Variants in FHIT observed in about 807,000 individuals in gnomAD.
The protein encoded by FHIT is bis(5'-adenosyl)-triphosphatase.
Under a neutral mutation model 17.9 loss-of-function variants are expected in FHIT, and 19 were observed. That is an observed-to-expected ratio of 1.06 (90% CI 0.74 to 1.56). The LOEUF (loss-of-function observed/expected upper bound fraction) is 1.56. Ranked by LOEUF, FHIT falls within the 40% of genes most tolerant of loss-of-function variation. FHIT has a pLI of 0.00. For missense variants in FHIT, 248 were observed against 189.2 expected (o/e 1.31, Z -1.82); for synonymous variants, 81 against 69.7 (o/e 1.16, Z -0.81).
intron 5 of FHIT, among the ~76,000 whole-genome samples, chr3:60,053,470 T>G (rs1265602355): frequency 6.6e-6 from 1 of 151,048 alleles, no homozygotes; most frequent in African/African-American, 2.4e-5. Context: ...TTCCAAGACA[T>G]GCATTTTGCC....
At chr3:60,836,940 A>G (rs1490277230) in intron 3 of FHIT, among the ~76,000 whole-genome samples, 4 of 152,084 alleles carry the variant, frequency 2.6e-5, no homozygotes, top group Non-Finnish European at 5.9e-5. Context: ...CTTCCCCTTT[A>G]TTCCTGAGGA....
At chr3:61,042,825 G>C (rs1296069620) in intron 2 of FHIT, among the ~76,000 whole-genome samples, 1 of 149,838 alleles carries the variant, frequency 6.7e-6, no homozygotes, top group Non-Finnish European at 1.5e-5. Flanking sequence ...GGGTGACAAA[G>C]TGAGCATCTG....
chr3:60,292,322 T>C (rs959205201), intron 5 of FHIT, among the ~76,000 whole-genome samples: 1 of 152,192 alleles, frequency 6.6e-6, no homozygotes, highest in Middle Eastern at 3.2e-3. Flanking sequence ...ACCTATATTA[T>C]ACTGTAGTCG....
At chr3:60,322,446 T>A (rs1406530811) in intron 5 of FHIT, among the ~76,000 whole-genome samples, 1 of 152,226 alleles carries the variant, frequency 6.6e-6, no homozygotes, top group African/African-American at 2.4e-5. Flanking sequence ...CTTTTTGACC[T>A]TGGAGGCCAT....
intron 4 of FHIT, among the ~76,000 whole-genome samples, chr3:60,647,706 G>A (rs1343371197): frequency 2.0e-5 from 3 of 152,100 alleles, no homozygotes; most frequent in Non-Finnish European, 4.4e-5. Context: ...CCCAGAAACC[G>A]ATTCTAGCAG....
At chr3:60,891,639 A>C (rs1553760725) in intron 3 of FHIT, among the ~76,000 whole-genome samples, 2 of 152,214 alleles carry the variant, frequency 1.3e-5, no homozygotes, top group Admixed American at 1.3e-4. Flanking sequence ...TATCATTTTC[A>C]TCTAGGCTGT....
intron 3 of FHIT, among the ~76,000 whole-genome samples, chr3:60,903,756 T>C (rs1706243778): frequency 6.6e-6 from 1 of 152,168 alleles, no homozygotes; most frequent in Non-Finnish European, 1.5e-5. Flanking sequence ...CTTAAACACA[T>C]AGCAAAAATA....
intron 4 of FHIT, among the ~76,000 whole-genome samples, chr3:60,562,241 C>T (rs534758170): frequency 6.2e-4 from 94 of 152,192 alleles, no homozygotes; most frequent in African/African-American, 2.1e-3. Context: ...TTTATGGTTA[C>T]GGAAAGACAG....
At chr3:61,050,174 T>C (rs2033973904) in intron 2 of FHIT, among the ~76,000 whole-genome samples, 2 of 152,214 alleles carry the variant, frequency 1.3e-5, no homozygotes, top group African/African-American at 4.8e-5. Flanking sequence ...ATCTATCTTT[T>C]GTTATAGCGG....
intron 5 of FHIT, among the ~76,000 whole-genome samples, chr3:60,311,065 C>T (rs572293691): frequency 3.0e-4 from 45 of 152,306 alleles, no homozygotes; most frequent in African/African-American, 8.9e-4. Context: ...TCTTCTGTTT[C>T]TCAATTTTGT....
chr3:60,163,731 C>A (rs77636535), intron 5 of FHIT, among the ~76,000 whole-genome samples: 5 of 152,166 alleles, frequency 3.3e-5, no homozygotes, highest in Admixed American at 2.6e-4. Context: ...CACCGAGCAT[C>A]ATGGAAAGTT....
intron 4 of FHIT, among the ~76,000 whole-genome samples, chr3:60,600,668 A>T (rs985050852): frequency 8.5e-5 from 13 of 152,182 alleles, no homozygotes; most frequent in African/African-American, 2.9e-4. Flanking sequence ...AAGTAGACAG[A>T]TTTCTGAAGT....
intron 5 of FHIT, among the ~76,000 whole-genome samples, chr3:60,021,797 T>C (rs1261464617): frequency 6.6e-6 from 1 of 152,150 alleles, no homozygotes; most frequent in African/African-American, 2.4e-5. Context: ...CCTCTCAAGG[T>C]TATAAAAACC....
chr3:61,193,196 T>C (rs1419280117), intron 2 of FHIT, among the ~76,000 whole-genome samples: 1 of 152,230 alleles, frequency 6.6e-6, no homozygotes, highest in Non-Finnish European at 1.5e-5. Flanking sequence ...AGTGTTGTTC[T>C]TTGATCTGTT....
chr3:60,212,540 A>G lies in FHIT; in HGVS notation c.104-198388T>C, dbSNP rs192357731. On this transcript the variant is annotated intron_variant, in intron 5 of 9. Coordinates refer to ENST00000492590, the MANE Select transcript of FHIT (RefSeq NM_002012.4). Reference sequence around the variant, plus strand: ...ATATAAGGTATTTTCTCCAAAACACATATCTCTTTCACATAACGGGAGACA... The same window carrying G: ...ATATAAGGTATTTTCTCCAAAACACGTATCTCTTTCACATAACGGGAGACA... 4.0e-3 allele frequency among the ~76,000 whole-genome samples: 604 copies of G among 152,308 alleles called. 12 individuals are homozygous for G. Among genetic ancestry groups the G allele is most frequent in the Non-Finnish European group, 2.4e-3 (164 of 68,030 alleles).
intron 7 of FHIT, among the ~76,000 whole-genome samples, chr3:59,939,940 C>T (rs556807444): frequency 5.9e-5 from 9 of 152,138 alleles, no homozygotes; most frequent in African/African-American, 2.2e-4. Context: ...GATTTCACAG[C>T]AAGCATAGCT....
At chr3:60,794,698 A>G (rs1461534528) in intron 4 of FHIT, among the ~76,000 whole-genome samples, 2 of 152,194 alleles carry the variant, frequency 1.3e-5, no homozygotes, top group East Asian at 1.9e-4. Context: ...TAATAATCTG[A>G]TAAATTGTTT....
rs540854987 is a variant in FHIT at position 60,534,048 on chromosome 3, G to C, written c.103+2812C>G. ...CTCACCATTTATTTATGAAATGTTAGTGGACAGAGCTATCCACATCTTCCA... is the reference window on the plus strand; with the variant it reads ...CTCACCATTTATTTATGAAATGTTACTGGACAGAGCTATCCACATCTTCCA... On this transcript the variant is annotated intron_variant, in intron 5 of 9. Coordinates refer to ENST00000492590, the MANE Select transcript of FHIT (RefSeq NM_002012.4). 5.9e-5 allele frequency among the ~76,000 whole-genome samples: 9 copies of C among 152,296 alleles called. No homozygotes were observed. In the East Asian group the frequency reaches 7.7e-4, roughly 13 times the overall value.
At chr3:60,392,394 G>A (rs941713562) in intron 5 of FHIT, among the ~76,000 whole-genome samples, 1 of 152,154 alleles carries the variant, frequency 6.6e-6, no homozygotes, top group African/African-American at 2.4e-5. Flanking sequence ...AAGAATAAAT[G>A]ACACCATGTC....
Sources: allele counts gnomAD v4.1 joint callset (sites outside exome capture counted in the v4.1 genomes callset), GRCh38; gene constraint gnomAD v4.1.1; transcripts MANE v1.5; gene names NCBI Gene and HGNC (gene_info 2026-07-23, HGNC 2026-07-21).